Variants in PDE10A observed in about 807,000 individuals in gnomAD.
The protein encoded by PDE10A is phosphodiesterase 10A, also known as cAMP and cAMP-inhibited cGMP 3',5'-cyclic phosphodiesterase 10A.
Under a neutral mutation model 97.7 loss-of-function variants are expected in PDE10A, and 39 were observed. That is an observed-to-expected ratio of 0.40 (90% confidence interval 0.31 to 0.52). The LOEUF is 0.52. PDE10A is among the 20% of genes least tolerant of loss of function. The pLI is 0.56. For synonymous variants in PDE10A, 371 were observed against 376.8 expected, an observed-to-expected ratio of 0.98 and a Z score of 0.18; for missense variants, 731 against 1,047.8, an observed-to-expected ratio of 0.70 and a Z score of 4.17.
At chr6:165,349,415 T>C (rs1483561261) in intron 18 of PDE10A, among the ~76,000 whole-genome samples, 3 of 152,018 alleles carry the variant, frequency 2.0e-5, no homozygotes, top group Non-Finnish European at 4.4e-5. Context: ...CTAGGAACTG[T>C]GGAACTTTGA....
chr6:165,335,200 T>C (rs1781575977), intron 21 of PDE10A, among the ~76,000 whole-genome samples: 1 of 152,126 alleles, frequency 6.6e-6, no homozygotes, highest in Admixed American at 6.5e-5. Context: ...TAGGGAGAAA[T>C]AATGAATCTA....
At chr6:165,510,056 T>C (rs1419384646) in intron 2 of PDE10A, among the ~76,000 whole-genome samples, 1 of 152,026 alleles carries the variant, frequency 6.6e-6, no homozygotes, top group Non-Finnish European at 1.5e-5. Flanking sequence ...CCAACTTGGA[T>C]GCCTTTTATT....
chr6:165,543,517 A>C lies in PDE10A; in HGVS notation c.917T>G (p.Leu306Ter). 6.2e-7 allele frequency: 1 copy of C among 1,611,218 alleles called. No homozygotes were observed. Among genetic ancestry groups the C allele is most frequent in the Non-Finnish European group, 8.5e-7 (1 of 1,177,860 alleles). Reference protein sequence around the residue: ...KAYLSLHPQVLDEFVSESVSA... With the variant: ...KAYLSLHPQV The stretch of plus-strand genomic sequence containing the variant: ...AACACTTTCAGATACAAATTCATCT[A>C]ATACCTGGGGGTGAAGAGAAAGATA... Residue 306 changes from leucine (L) to a stop codon, truncating the protein, a stop_gained, in exon 2 of 22, where the codon TTA becomes TGA. Coordinates refer to ENST00000539869, the MANE Select transcript of PDE10A (RefSeq NM_001385079.1). LOFTEE classifies it high-confidence loss of function.
chr6:165,639,309 C>T (rs1789020140), intron 1 of PDE10A, among the ~76,000 whole-genome samples: 1 of 152,158 alleles, frequency 6.6e-6, no homozygotes, highest in Non-Finnish European at 1.5e-5. Context: ...CACCCAGAAA[C>T]CTTGTTTTTC....
At chr6:165,818,424 TAAAG>T (rs1227231454) in intron 1 of PDE10A, among the ~76,000 whole-genome samples, 1 of 152,146 alleles carries the variant, frequency 6.6e-6, no homozygotes, top group African/African-American at 2.4e-5. Context: ...CGGGGAGTTG[TAAAG>T]AAAGTCAAAG....
intron 18 of PDE10A, among the ~76,000 whole-genome samples, chr6:165,360,507 T>C (rs928434780): frequency 3.9e-5 from 6 of 152,162 alleles, no homozygotes; most frequent in African/African-American, 1.4e-4. Context: ...CCAATGTCAG[T>C]TGCCTAGAGG....
Position 165,402,444 on chromosome 6 carries a change from T to C in PDE10A, c.2077-5985A>G, listed in dbSNP as rs553470187. Among the ~76,000 whole-genome samples, 6 of 152,240 alleles carry C rather than the reference T, an allele frequency of 3.9e-5. No homozygotes were observed. In the East Asian group the frequency reaches 1.2e-3, roughly 29 times the overall value. On this transcript the variant is annotated intron_variant, in intron 13 of 21. Coordinates refer to ENST00000539869, the MANE Select transcript of PDE10A (RefSeq NM_001385079.1). ...ATGAATAGTAGAAAATAATATAATC[T>C]AGGATTATTAGTAGATGATTTTATC...
In PDE10A at chr6:165,819,036, T is replaced by C. The variant is rs2128468762; in HGVS notation, c.-615+168493A>G. On this transcript the variant is annotated intron_variant, in intron 1 of 19. Coordinates refer to the PDE10A transcript ENST00000366882. The surrounding 1 kb of genome is among the most constrained non-coding windows in gnomAD (Gnocchi z 4.2). ...GAAGTGTGGCTAAAAATATGTACCTTTCATTCTGTACATTTATGAAGCCTC... is the reference window on the plus strand; with the variant it reads ...GAAGTGTGGCTAAAAATATGTACCTCTCATTCTGTACATTTATGAAGCCTC... 6.6e-6 allele frequency among the ~76,000 whole-genome samples: 1 copy of C among 152,314 alleles called. No homozygotes were observed. The highest frequency in any genetic ancestry group is 1.9e-4 in the East Asian group (1 of 5,182).
intron 1 of PDE10A, among the ~76,000 whole-genome samples, chr6:165,799,884 G>C (rs968564023): frequency 6.6e-6 from 1 of 152,142 alleles, no homozygotes; most frequent in African/African-American, 2.4e-5. Flanking sequence ...CTACTGCTCT[G>C]CTTGGCCCAC....
intron 1 of PDE10A, among the ~76,000 whole-genome samples, chr6:165,746,666 C>T (rs1205515335): frequency 6.6e-6 from 1 of 152,172 alleles, no homozygotes; most frequent in African/African-American, 2.4e-5. Flanking sequence ...GAGCAGAGGG[C>T]CTCAGAGTAG....
At chr6:165,411,012 G>A (rs1362752201) in intron 13 of PDE10A, among the ~76,000 whole-genome samples, 1 of 100,096 alleles carries the variant, frequency 1.0e-5, no homozygotes, top group East Asian at 2.2e-4. Flanking sequence ...GCGTGAACCC[G>A]GGAGGCGGAG....
At chr6:165,828,806 C>T (rs1464735246) in intron 1 of PDE10A, among the ~76,000 whole-genome samples, 3 of 152,172 alleles carry the variant, frequency 2.0e-5, no homozygotes, top group Non-Finnish European at 2.9e-5. Context: ...CATCAGAGTT[C>T]TGTTCTCTTC....
At position 165,332,677 on chromosome 6, in the gene PDE10A, T is replaced by C. The variant is rs1053968314; in HGVS notation, c.*348A>G. 1.6e-4 allele frequency: 39 copies of C among 251,002 alleles called. No homozygotes were observed. The highest frequency in any genetic ancestry group is 1.3e-3 in the Middle Eastern group (1 of 758). The allele number at this position is 251,002 out of a possible 1,614,324, so 15.5% of individuals were successfully genotyped here. On this transcript the variant is annotated 3_prime_UTR_variant, in exon 22 of 22. Transcript: ENST00000539869. The stretch of plus-strand genomic sequence containing the variant: ...CCATTTTAAACCCTTATTAGAAAGA[T>C]ACAATGGAAAAGTACCCCTTCTGGA...
Position 165,418,586 on chromosome 6 carries a change from G to A in PDE10A, c.1796+49C>T, listed in dbSNP as rs750041356. ...GGCACAGAAAAATGGGTAACGGAAC[G>A]CCTGCACATCTACCGTAAGAGGATA... On this transcript the variant is annotated intron_variant, in intron 11 of 21. Transcript: ENST00000539869. The surrounding 1 kb of genome is among the most constrained non-coding windows in gnomAD (Gnocchi z 4.8). The A allele has an allele frequency of 2.0e-4, 307 of 1,562,146 alleles. No homozygotes were observed. The highest frequency in any genetic ancestry group is 2.6e-4 in the Non-Finnish European group (294 of 1,145,156).
intron 1 of PDE10A, among the ~76,000 whole-genome samples, chr6:165,921,133 G>A (rs1359823858): frequency 3.9e-5 from 6 of 152,194 alleles, no homozygotes; most frequent in Admixed American, 2.6e-4. Flanking sequence ...GTGGGATTAC[G>A]AATTTCCCCA....
chr6:165,514,206 T>C (rs1320509412), intron 2 of PDE10A, among the ~76,000 whole-genome samples: 4 of 152,232 alleles, frequency 2.6e-5, no homozygotes, highest in African/African-American at 9.6e-5. Flanking sequence ...AAAAGGATTA[T>C]TGCATTTATG....
In PDE10A at chr6:165,552,641, G is replaced by C. The variant is rs73786635; in HGVS notation, c.866-9073C>G. ...CTGCTGGAGGAATGAAGGTATCCTC[G>C]GAAGCCTGTGCCAAGTCTCTCCTGG... On this transcript the variant is annotated intron_variant, in intron 1 of 21. Coordinates refer to ENST00000539869, the MANE Select transcript of PDE10A (RefSeq NM_001385079.1). Among the ~76,000 whole-genome samples the C allele has an allele frequency of 2.0e-5, 3 of 152,198 alleles. No homozygotes were observed. In the East Asian group the frequency reaches 5.8e-4, roughly 29 times the overall value.
chr6:165,687,133 C>G (rs1046243142), intron 1 of PDE10A, among the ~76,000 whole-genome samples: 1 of 152,254 alleles, frequency 6.6e-6, no homozygotes, highest in Admixed American at 6.5e-5. Context: ...CGTTTCCATC[C>G]GCCCACGCGG....
intron 2 of PDE10A, among the ~76,000 whole-genome samples, chr6:165,531,537 C>A (rs765855400): frequency 6.6e-6 from 1 of 152,036 alleles, no homozygotes; most frequent in Non-Finnish European, 1.5e-5. Context: ...ATCCTTTGAA[C>A]AAAAACAGAA....
Sources: gnomAD v4.1 joint callset for allele counts (sites outside exome capture counted in the v4.1 genomes callset) on GRCh38, gnomAD v4.1.1 for gene constraint, Gnocchi (gnomAD v3.1) non-coding constraint, MANE v1.5 for transcripts, NCBI Gene and HGNC (gene_info 2026-07-23, HGNC 2026-07-21) for gene names.